Variants in USP36 observed in about 807,000 individuals in gnomAD.
USP36 encodes the protein ubiquitin specific peptidase 36.
Under a neutral mutation model 111.5 loss-of-function variants are expected in USP36, and 59 were observed. The observed-to-expected ratio is 0.53, with a 90% CI of 0.43 to 0.66. The LOEUF (loss-of-function observed/expected upper bound fraction) is 0.66, where lower values mean the gene tolerates loss of function less well. Among genes scored for constraint, USP36 ranks in the 30% least tolerant of loss-of-function variants. USP36 has a pLI of 0.00. For missense variants in USP36, 1,488 were observed against 1,468.0 expected (o/e 1.01, Z -0.22); for synonymous variants, 628 against 581.0 (o/e 1.08, Z -1.16).
At chr17:78,822,260 C>A (rs2094347813) in intron 6 of USP36, among the ~76,000 whole-genome samples, 1 of 152,178 alleles carries the variant, frequency 6.6e-6, no homozygotes, top group South Asian at 2.1e-4. Context: ...ATGCCCACTG[C>A]CACCCACTTC....
chr17:78,815,787 T>TATAC (rs1330963611), intron 10 of USP36, among the ~76,000 whole-genome samples: 7 of 152,096 alleles, frequency 4.6e-5, no homozygotes, highest in Non-Finnish European at 1.0e-4. Flanking sequence ...TGCACACATA[T>TATAC]ATACATACAT....
At chr17:78,812,814 G>C (rs760272715) in intron 13 of USP36, 46 bp downstream of exon 13, 1 of 1,606,606 alleles carries the variant, frequency 6.2e-7, no homozygotes, top group Non-Finnish European at 8.5e-7. Context: ...GGTCTGTGAG[G>C]AGCACCAAGA....
rs1366816441 is a variant in USP36, at chr17:78,798,388, C to G, written c.*20+12G>C. ...CCCACCTCACCCTTACACCCACCCC[C>G]TCGGAACCGACCTCCTTCCACAGGG... On this transcript the variant is annotated intron_variant, in intron 20 of 20. Coordinates refer to ENST00000449938, the MANE Select transcript of USP36 (RefSeq NM_001385174.1). This position sits in a 1 kb window ranked among gnomAD's most constrained non-coding sequence, Gnocchi z 5.1. 1.2e-6 allele frequency: 2 copies of G among 1,613,544 alleles called. No individual in the cohort carries two copies. The highest frequency in any genetic ancestry group is 1.1e-5 in the South Asian group (1 of 91,078).
intron 8 of USP36, among the ~76,000 whole-genome samples, chr17:78,820,572 G>T (rs1409904573): frequency 6.6e-6 from 1 of 152,202 alleles, no homozygotes; most frequent in Non-Finnish European, 1.5e-5. Context: ...TCTGGAGCTT[G>T]GGTTGGCCCA....
intron 9 of USP36, 78 bp from the exon 10 acceptor site, chr17:78,818,856 T>C: frequency 2.1e-6 from 3 of 1,443,582 alleles, no homozygotes; most frequent in Non-Finnish European, 2.9e-6. Context: ...GCTAAGTTAA[T>C]AACAGCAACA....
At chr17:78,787,750 G>A (rs2093547568) in intron 3 of USP36, 1 of 152,214 alleles carries the variant, frequency 6.6e-6, no homozygotes, top group Non-Finnish European at 1.5e-5. Flanking sequence ...CAAAAGATAT[G>A]TTGAAGTCCT....
At chr17:78,836,073 A>AT in intron 3 of USP36, 38 bp downstream of exon 3, 1 of 1,602,270 alleles carries the variant, frequency 6.2e-7, no homozygotes, top group Non-Finnish European at 8.5e-7. Flanking sequence ...GTCACCCCGG[A>AT]GTGAGGGCCT....
In USP36 at chr17:78,836,175, G is replaced by T. The variant is rs369098312; in HGVS notation, c.189C>A (p.Leu63=). The part of the protein sequence containing the change: ...LEALKSKYVL[L]NPKTEGASRH... ...GACTAGCTCCCTCTGTTTTGGGGTTGAGCAACACATATTTGCTCTTTAAGG... is the reference window on the plus strand; with the variant it reads ...GACTAGCTCCCTCTGTTTTGGGGTTTAGCAACACATATTTGCTCTTTAAGG... The change falls in exon 3 of 21, where the codon CTC becomes CTA. Residue 63 remains leucine (L), a synonymous_variant. Coordinates refer to ENST00000449938, the MANE Select transcript of USP36 (RefSeq NM_001385174.1). 3.1e-6 allele frequency: 5 copies of T among 1,614,018 alleles called. No individual in the cohort carries two copies. The highest frequency in any genetic ancestry group is 2.7e-5 in the African/African-American group (2 of 74,922).
At chr17:78,813,134 C>T (rs1045289026) in intron 12 of USP36, 133 bp from the exon 13 acceptor site, 10 of 1,138,792 alleles carry the variant, frequency 8.8e-6, no homozygotes, top group African/African-American at 1.6e-5. Context: ...AACCACTTCT[C>T]TGGAATCTCC....
intron 17 of USP36, among the ~76,000 whole-genome samples, chr17:78,801,878 C>G (rs2144982904): frequency 6.6e-6 from 1 of 152,358 alleles, no homozygotes. Flanking sequence ...TGTAACCTCT[C>G]TCATGGGGCT....
intron 4 of USP36, among the ~76,000 whole-genome samples, chr17:78,833,578 T>C (rs914323216): frequency 6.6e-6 from 1 of 152,146 alleles, no homozygotes; most frequent in African/African-American, 2.4e-5. Flanking sequence ...ACCAGGGACA[T>C]TCTCAAAAAC....
intron 15 of USP36, among the ~76,000 whole-genome samples, chr17:78,804,489 CAAAAACAA>C (rs985031564): frequency 1.2e-4 from 6 of 50,578 alleles, no homozygotes; most frequent in Admixed American, 4.7e-4. Context: ...AAAACAAAAA[CAAAAACAA>C]AAAAAAAAAA....
In USP36 at chr17:78,838,829, C is replaced by G. The variant is rs138426339; in HGVS notation, c.-173-79G>C. ...CTTCAGCTACTTCCCAGGGATGCGG[C>G]GCGCACCGGGAACCCTCTACCACGA... On this transcript the variant is annotated intron_variant, in intron 1 of 20. Transcript: ENST00000449938. The G allele has an allele frequency of 2.3e-3, 346 of 152,332 alleles. 12 individuals carry two copies. The East Asian group carries it at 0.051, about 23-fold the overall frequency. The allele number at this position is 152,332 out of a possible 1,614,324, so 9.4% of individuals were successfully genotyped here.
chr17:78,803,357 AC>A lies in USP36; in HGVS notation c.2810+27del, dbSNP rs763643610. ...TTGCTTTGTTTCTCGTCAGAGGTAG[AC>A]AGATGCCACTTTGCTCCTGCCCTTA... is the stretch of plus-strand genomic sequence containing the variant. On this transcript the variant is annotated intron_variant, in intron 16 of 20. Transcript: ENST00000449938. The surrounding 1 kb of genome is among the most constrained non-coding windows in gnomAD (Gnocchi z 4.6). 16 of 1,597,158 alleles carry A rather than the reference AC, an allele frequency of 1.0e-5. No homozygotes were observed. The East Asian group carries it at 3.6e-4, about 36-fold the overall frequency.
At position 78,836,350 on chromosome 17, in the gene USP36, T is replaced by C; in HGVS notation, c.14A>G (p.Asp5Gly). 6.2e-7 allele frequency: 1 copy of C among 1,614,016 alleles called. No individual in the cohort carries two copies. Among genetic ancestry groups the C allele is most frequent in the South Asian group, 1.1e-5 (1 of 91,068 alleles). ...GGGTTTCAGGGCCTCCTTCAACTTA[T>C]CCACTATTGGCATGGTGCATCACTG... is the stretch of plus-strand genomic sequence containing the variant. MPIV[D>G]KLKEALKPGR... is the part of the protein sequence containing the mutation. The change falls in exon 3 of 21, where the codon GAT (aspartate) becomes GGT (glycine). Residue 5 changes from aspartate (D) to glycine (G), a missense_variant. By Grantham distance (94) the Asp-to-Gly change is moderately conservative (BLOSUM62 -1). Around this residue, in one of 3 missense-constraint regions of USP36, gnomAD observed 219 missense variants for 209.5 expected, o/e 1.05. Coordinates refer to ENST00000449938, the MANE Select transcript of USP36 (RefSeq NM_001385174.1).
intron 15 of USP36, among the ~76,000 whole-genome samples, chr17:78,804,489 CAAAAACAAAAAAAA>C (rs2093840076): frequency 2.0e-5 from 1 of 50,578 alleles, no homozygotes; most frequent in African/African-American, 6.4e-5. Flanking sequence ...AAAACAAAAA[CAAAAACAAAAAAAA>C]AAAAACAAAG....
At chr17:78,800,837 G>A (rs1343113183) in intron 17 of USP36, among the ~76,000 whole-genome samples, 1 of 152,234 alleles carries the variant, frequency 6.6e-6, no homozygotes, top group Admixed American at 6.5e-5. Context: ...CACTTCAGTA[G>A]ACACAACCAG....
chr17:78,834,029 C>T (rs960707902), intron 4 of USP36, among the ~76,000 whole-genome samples: 1 of 152,082 alleles, frequency 6.6e-6, no homozygotes, highest in Admixed American at 6.6e-5. Flanking sequence ...GTTGGATCAC[C>T]TGAGGTCACG....
intron 3 of USP36, 145 bp from the exon 4 acceptor site, chr17:78,835,646 A>G (rs2145649681): frequency 1.1e-6 from 1 of 876,418 alleles, no homozygotes; most frequent in South Asian, 1.7e-5. Context: ...TCTGGTTTAC[A>G]GGACATTCCT....
Sources: allele counts gnomAD v4.1 joint callset (sites outside exome capture counted in the v4.1 genomes callset), GRCh38; gene constraint gnomAD v4.1.1; regional missense constraint gnomAD v4.1.1; non-coding constraint Gnocchi (gnomAD v3.1); transcripts MANE v1.5; gene names NCBI Gene and HGNC (gene_info 2026-07-23, HGNC 2026-07-21).